Variants in KCNK12 observed in about 807,000 individuals in gnomAD.
KCNK12 encodes potassium two pore domain channel subfamily K member 12.
Under a neutral mutation model 25.3 loss-of-function variants are expected in KCNK12, and 6 were observed. The ratio of observed to expected loss-of-function variants is 0.24; its 90% confidence interval spans 0.13 to 0.47. KCNK12 has a LOEUF of 0.47. KCNK12 is among the 20% of genes least tolerant of loss of function. The pLI is 0.99. For synonymous variants in KCNK12, 331 were observed against 311.1 expected (o/e 1.06, Z -0.67); for missense variants, 444 against 661.7 (o/e 0.67, Z 3.61).
chr2:47,552,072 A>T (rs1669446711), intron 1 of KCNK12, among the ~76,000 whole-genome samples: 1 of 152,222 alleles, frequency 6.6e-6, no homozygotes, highest in Non-Finnish European at 1.5e-5. Context: ...GCTGGCTCCG[A>T]GTCTGCAGCT....
intron 1 of KCNK12, among the ~76,000 whole-genome samples, chr2:47,546,032 A>T (rs1372398194): frequency 6.6e-6 from 1 of 152,106 alleles, no homozygotes; most frequent in Non-Finnish European, 1.5e-5. Flanking sequence ...AGAGGCAACT[A>T]TGGACAGGGA....
chr2:47,570,300 CG>C lies in KCNK12; in HGVS notation c.31del (p.Arg11AlafsTer120). On this transcript the variant is annotated frameshift_variant, in exon 1 of 2. Transcript: ENST00000327876. LOFTEE classifies it high-confidence loss of function. The stretch of plus-strand genomic sequence containing the variant: ...GCGCGGCAGGCGGCGGCGGCTACGG[CG>C]GGGCGGGGGCCGGGGGCTGCGGGAG... MSSRSPRPPP[R>X]RSRRRLPRPS... The C allele has an allele frequency of 7.3e-7, 1 of 1,360,946 alleles. No individual in the cohort carries two copies. The highest frequency in any genetic ancestry group is 9.4e-7 in the Non-Finnish European group (1 of 1,058,738). The allele number at this position is 1,360,946 out of a possible 1,614,324, so 84.3% of individuals were successfully genotyped here. A position where few individuals can be genotyped will look rare whatever the true frequency, so the allele number is the denominator to read the frequency against.
Position 47,515,568 on chromosome 2 carries a change from C to T in KCNK12, c.*5339G>A, listed in dbSNP as rs1369176634. On this transcript the variant is annotated 3_prime_UTR_variant, in exon 2 of 2. Coordinates refer to ENST00000327876, the MANE Select transcript of KCNK12 (RefSeq NM_022055.2). ...TTTATCATTTGATGTCATGAAAGTCCCTGCTGTAGATAAAAGATGGAGCTT... is the reference window on the plus strand; with the variant it reads ...TTTATCATTTGATGTCATGAAAGTCTCTGCTGTAGATAAAAGATGGAGCTT... Among the ~76,000 whole-genome samples, 1 of 151,944 alleles carries T rather than the reference C, an allele frequency of 6.6e-6. No homozygotes were observed.
rs1004015194 is a variant in KCNK12, at chr2:47,509,700, T to C, written c.*11207A>G. ...TTGCCAATGATAGGTCTTTTTCTGC[T>C]TAAATCAGCTGGACTGGATTCTATT... On this transcript the variant is annotated 3_prime_UTR_variant, in exon 2 of 2. Coordinates refer to ENST00000327876, the MANE Select transcript of KCNK12 (RefSeq NM_022055.2). Among the ~76,000 whole-genome samples, 3 of 152,244 alleles carry C rather than the reference T, an allele frequency of 2.0e-5. No individual in the cohort carries two copies. The highest frequency in any genetic ancestry group is 7.2e-5 in the African/African-American group (3 of 41,452).
chr2:47,530,883 A>C (rs1295568565), intron 1 of KCNK12, among the ~76,000 whole-genome samples: 4 of 152,356 alleles, frequency 2.6e-5, no homozygotes, highest in African/African-American at 9.6e-5. Flanking sequence ...AAGTTCAGTA[A>C]CTTGCCCAAG....
Position 47,547,340 on chromosome 2 carries a change from A to C in KCNK12, c.391+22601T>G, listed in dbSNP as rs1213789247. 6.6e-6 allele frequency among the ~76,000 whole-genome samples: 1 copy of C among 152,220 alleles called. No homozygotes were observed. Among genetic ancestry groups the C allele is most frequent in the Non-Finnish European group, 1.5e-5 (1 of 68,044 alleles). ...TCATAAGCCCCCACTTCCAGAGAGA[A>C]TGATACAGTTGGTTAGGGCACAACC... On this transcript the variant is annotated intron_variant, in intron 1 of 1. Coordinates refer to ENST00000327876, the MANE Select transcript of KCNK12 (RefSeq NM_022055.2). This position sits in a 1 kb window ranked among gnomAD's most constrained non-coding sequence, Gnocchi z 5.0.
rs1668409202 is a variant in KCNK12 at position 47,511,815 on chromosome 2, A to G, written c.*9092T>C. On this transcript the variant is annotated 3_prime_UTR_variant, in exon 2 of 2. Coordinates refer to ENST00000327876, the MANE Select transcript of KCNK12 (RefSeq NM_022055.2). This position sits in a 1 kb window ranked among gnomAD's most constrained non-coding sequence, Gnocchi z 4.3. ...TGTAGACTTTTCTGCAGTGACAGAA[A>G]TGTTCTATATCTGTGCTATCCAATA... Among the ~76,000 whole-genome samples the G allele has an allele frequency of 6.6e-6, 1 of 152,218 alleles. No homozygotes were observed. The highest frequency in any genetic ancestry group is 2.4e-5 in the African/African-American group (1 of 41,454).
rs146876522 is a variant in KCNK12 at position 47,564,646 on chromosome 2, G to C, written c.391+5295C>G. 1,320 of 180,408 alleles carry C rather than the reference G, an allele frequency of 7.3e-3. 11 individuals carry two copies. The highest frequency in any genetic ancestry group is 0.028 in the East Asian group (310 of 10,936). The allele number at this position is 180,408 out of a possible 1,614,324, so 11.2% of individuals were successfully genotyped here. A position where few individuals can be genotyped will look rare whatever the true frequency, so the allele number is the denominator to read the frequency against. ...ACAAGGAACTGCAGGGGAACGTGCA[G>C]ACATGAAGAGTTGTGTTAGTGCAGT... On this transcript the variant is annotated intron_variant, in intron 1 of 1. Transcript: ENST00000327876.
rs1669687565 is a variant in KCNK12 at position 47,562,239 on chromosome 2, A to G, written c.391+7702T>C. 2 of 397,924 alleles carry G rather than the reference A, an allele frequency of 5.0e-6. No individual in the cohort carries two copies. Among genetic ancestry groups the G allele is most frequent in the South Asian group, 1.3e-4 (1 of 7,526 alleles). The allele number at this position is 397,924 out of a possible 1,614,324, so 24.6% of individuals were successfully genotyped here. A position where few individuals can be genotyped will look rare whatever the true frequency, so the allele number is the denominator to read the frequency against. ...CTTACAGTTTGAAAAGCACTGCTGCATGCTATCCTACCTTCCTGGTCTGTA... is the reference window on the plus strand; with the variant it reads ...CTTACAGTTTGAAAAGCACTGCTGCGTGCTATCCTACCTTCCTGGTCTGTA... On this transcript the variant is annotated intron_variant, in intron 1 of 1. Coordinates refer to ENST00000327876, the MANE Select transcript of KCNK12 (RefSeq NM_022055.2). This position sits in a 1 kb window ranked among gnomAD's most constrained non-coding sequence, Gnocchi z 4.8.
intron 1 of KCNK12, among the ~76,000 whole-genome samples, chr2:47,522,478 G>A (rs1413375554): frequency 1.4e-4 from 21 of 152,110 alleles, no homozygotes; most frequent in Admixed American, 1.4e-3. Flanking sequence ...TTGGTCAAAC[G>A]ATCATATTTT....
At chr2:47,534,515 A>ACCCCCCCCCCC (rs34901455) in intron 1 of KCNK12, among the ~76,000 whole-genome samples, 116 of 48,196 alleles carry the variant, frequency 2.4e-3, no homozygotes, top group African/African-American at 3.5e-3. Context: ...GCCCCTTCTA[A>ACCCCCCCCCCC]CCCCCCCCCC....
rs950349745 is a variant in KCNK12, at chr2:47,533,431, G to A, written c.392-11623C>T. Among the ~76,000 whole-genome samples the A allele has an allele frequency of 1.3e-5, 2 of 152,232 alleles. No homozygotes were observed. The highest frequency in any genetic ancestry group is 2.4e-5 in the African/African-American group (1 of 41,462). On this transcript the variant is annotated intron_variant, in intron 1 of 1. Coordinates refer to ENST00000327876, the MANE Select transcript of KCNK12 (RefSeq NM_022055.2). This position sits in a 1 kb window ranked among gnomAD's most constrained non-coding sequence, Gnocchi z 4.7. ...AGCACCAAGCTTAGCTGGGAAGCAC[G>A]ATGGGTGAGGCATGGACCTTATTTC...
At chr2:47,526,025 G>A (rs1668762575) in intron 1 of KCNK12, among the ~76,000 whole-genome samples, 1 of 152,170 alleles carries the variant, frequency 6.6e-6, no homozygotes, top group Admixed American at 6.5e-5. Context: ...CTGATTAGAA[G>A]TGAATTTGAA....
intron 1 of KCNK12, chr2:47,567,144 T>G (rs189313989): frequency 6.6e-6 from 1 of 152,332 alleles, no homozygotes; most frequent in East Asian, 1.9e-4. Context: ...CACACACACA[T>G]ACGTATGTCC....
intron 1 of KCNK12, among the ~76,000 whole-genome samples, chr2:47,530,273 G>A (rs943646410): frequency 1.3e-5 from 2 of 152,176 alleles, no homozygotes; most frequent in African/African-American, 2.4e-5. Context: ...TCGCCTCTCT[G>A]GGAGTAGGAG....
rs550023635 is a variant in KCNK12 at position 47,525,960 on chromosome 2, C to A, written c.392-4152G>T. Among the ~76,000 whole-genome samples the A allele has an allele frequency of 1.3e-5, 2 of 152,138 alleles. No homozygotes were observed. The highest frequency in any genetic ancestry group is 2.9e-5 in the Non-Finnish European group (2 of 68,010). ...GATCACCCCCATGCCCCATCCACTG[C>A]GGGTCCCCTGAGCCATGTGTCAGCC... On this transcript the variant is annotated intron_variant, in intron 1 of 1. Coordinates refer to ENST00000327876, the MANE Select transcript of KCNK12 (RefSeq NM_022055.2). The surrounding 1 kb of genome is among the most constrained non-coding windows in gnomAD (Gnocchi z 4.1).
chr2:47,524,372 A>G (rs1341737356), intron 1 of KCNK12, among the ~76,000 whole-genome samples: 1 of 152,258 alleles, frequency 6.6e-6, no homozygotes, highest in Non-Finnish European at 1.5e-5. Context: ...CTATACAGCA[A>G]TTAAAAAGCA....
Position 47,569,340 on chromosome 2 carries a change from T to G in KCNK12, c.391+601A>C, listed in dbSNP as rs1669842224. The stretch of plus-strand genomic sequence containing the variant: ...GGAAGGGAGGCAGAACAACAGCAGC[T>G]GAAGTCCTGGCCTCAGGCTAACGGG... On this transcript the variant is annotated intron_variant, in intron 1 of 1. Coordinates refer to ENST00000327876, the MANE Select transcript of KCNK12 (RefSeq NM_022055.2). This position sits in a 1 kb window ranked among gnomAD's most constrained non-coding sequence, Gnocchi z 4.1. 6.6e-6 allele frequency among the ~76,000 whole-genome samples: 1 copy of G among 151,908 alleles called. No homozygotes were observed. The highest frequency in any genetic ancestry group is 6.6e-5 in the Admixed American group (1 of 15,262).
chr2:47,537,077 T>C (rs1012353322), intron 1 of KCNK12, among the ~76,000 whole-genome samples: 1 of 152,232 alleles, frequency 6.6e-6, no homozygotes, highest in Non-Finnish European at 1.5e-5. Flanking sequence ...TTATGCTCCA[T>C]GGCAGATCCT....
Sources: allele counts gnomAD v4.1 joint callset (sites outside exome capture counted in the v4.1 genomes callset), GRCh38; gene constraint gnomAD v4.1.1; non-coding constraint Gnocchi (gnomAD v3.1); transcripts MANE v1.5; gene names NCBI Gene and HGNC (gene_info 2026-07-23, HGNC 2026-07-21).